CDIN1: variants seen among roughly 807,000 people sequenced by gnomAD.
CDIN1 encodes the protein CDAN1-interacting nuclease 1.
In CDIN1, 33 loss-of-function variants were observed where a neutral mutation model predicts 45.3. The observed-to-expected ratio is 0.73, with a 90% confidence interval of 0.55 to 0.97. The LOEUF is 0.97. CDIN1 is among the 50% of genes least tolerant of loss of function. CDIN1 has a pLI of 0.00. For synonymous variants in CDIN1, 118 were observed against 124.4 expected, an observed-to-expected ratio of 0.95 and a Z score of 0.34; for missense variants, 303 against 339.4, an observed-to-expected ratio of 0.89 and a Z score of 0.84.
Position 36,637,131 on chromosome 15 carries a change from A to G in CDIN1, c.102-7147A>G, listed in dbSNP as rs1478278148. Among the ~76,000 whole-genome samples, 16 of 140,118 alleles carry G rather than the reference A, an allele frequency of 1.1e-4. No individual in the cohort carries two copies. The Admixed American group carries it at 1.2e-3, about 11-fold the overall frequency. 91.9% of individuals were successfully genotyped at this position (140,118 alleles called of 152,430 possible). On this transcript the variant is annotated intron_variant, in intron 1 of 10. Transcript: ENST00000566621. ...GTGGAACAGATTAGAAAGTCCCAAA[A>G]TAGATTCTCAGATATTTAACCTCCC...
intron 5 of CDIN1, among the ~76,000 whole-genome samples, chr15:36,677,783 C>T (rs2140586598): frequency 6.6e-6 from 1 of 152,070 alleles, no homozygotes; most frequent in Admixed American, 6.6e-5. Context: ...AAGTTTTAGC[C>T]AAAGGAAAGT....
intron 1 of CDIN1, 105 bp from the exon 2 acceptor site, chr15:36,644,173 C>G (rs1323370881): frequency 1.9e-6 from 2 of 1,042,410 alleles, no homozygotes; most frequent in East Asian, 4.9e-5. Context: ...TTTTCATGTT[C>G]TGTTAGATTA....
At chr15:36,691,391 A>C in intron 5 of CDIN1, 1 of 316,088 alleles carries the variant, frequency 3.2e-6, no homozygotes, top group Non-Finnish European at 5.8e-6. Flanking sequence ...TTTTACCCCA[A>C]ATGGGCTTTT....
intron 1 of CDIN1, among the ~76,000 whole-genome samples, chr15:36,638,048 T>G (rs1032194470): frequency 6.6e-6 from 1 of 152,294 alleles, no homozygotes; most frequent in East Asian, 1.9e-4. Context: ...TTTAAAAAAA[T>G]ATTCTTTGGG....
chr15:36,618,150 G>A (rs942953344), intron 1 of CDIN1: 3 of 710,334 alleles, frequency 4.2e-6, no homozygotes, highest in Admixed American at 2.0e-5. Flanking sequence ...AATTCACCAG[G>A]ATCTTATAAA....
chr15:36,637,992 G>A (rs1319335711), intron 1 of CDIN1, among the ~76,000 whole-genome samples: 1 of 152,070 alleles, frequency 6.6e-6, no homozygotes, highest in Non-Finnish European at 1.5e-5. Context: ...GTTATCTTTT[G>A]GGGTGCTGGC....
At chr15:36,778,603 T>A (rs72708631) in intron 10 of CDIN1, among the ~76,000 whole-genome samples, 3,982 of 152,316 alleles carry the variant, frequency 0.026, 51 homozygotes, top group Non-Finnish European at 0.04. Flanking sequence ...TTGTATGTAT[T>A]TATCTTGGCA....
chr15:36,809,384 G>GTT lies in CDIN1; in HGVS notation c.*932_*933insTT, dbSNP rs1296108927. 1 of 152,732 alleles carries GTT rather than the reference G, an allele frequency of 6.5e-6. No homozygotes were observed. The highest frequency in any genetic ancestry group is 1.9e-4 in the East Asian group (1 of 5,202). The allele number at this position is 152,732 out of a possible 1,614,324, so 9.5% of individuals were successfully genotyped here. A position where few individuals can be genotyped will look rare whatever the true frequency, so the allele number is the denominator to read the frequency against. On this transcript the variant is annotated 3_prime_UTR_variant, in exon 11 of 11. Transcript: ENST00000566621. ...TACCATGTAATTATAAAACACTCGA[G>GTT]TAAGTTCAGCATTAGAAATGTTTAG...
intron 10 of CDIN1, among the ~76,000 whole-genome samples, chr15:36,732,030 A>T (rs781681022): frequency 4.6e-5 from 7 of 152,174 alleles, no homozygotes; most frequent in Non-Finnish European, 7.4e-5. Flanking sequence ...TTTATGAATG[A>T]TTATCACAGT....
At chr15:36,642,165 G>A (rs1223707159) in intron 1 of CDIN1, among the ~76,000 whole-genome samples, 2 of 152,138 alleles carry the variant, frequency 1.3e-5, no homozygotes, top group Admixed American at 6.5e-5. Flanking sequence ...TTGGAAGAAA[G>A]TACAAATAAT....
At chr15:36,664,296 G>T (rs1053591344) in intron 5 of CDIN1, among the ~76,000 whole-genome samples, 8 of 152,210 alleles carry the variant, frequency 5.3e-5, no homozygotes, top group Middle Eastern at 3.2e-3. Context: ...TGTGAATCAT[G>T]TATAAACGGA....
Position 36,727,396 on chromosome 15 carries a change from C to T in CDIN1, c.716+17435C>T, listed in dbSNP as rs535709435. ...CTTTTTCCCCCTCAGCATTTATCATCTAAATAATAGTCTTGCCAAGATGGC... is the reference window on the plus strand; with the variant it reads ...CTTTTTCCCCCTCAGCATTTATCATTTAAATAATAGTCTTGCCAAGATGGC... On this transcript the variant is annotated intron_variant, in intron 10 of 10. Transcript: ENST00000566621. Among the ~76,000 whole-genome samples, 53 of 150,354 alleles carry T rather than the reference C, an allele frequency of 3.5e-4. No homozygotes were observed. The South Asian group carries it at 9.6e-3, about 27-fold the overall frequency.
At chr15:36,713,079 A>G (rs1210988480) in intron 10 of CDIN1, among the ~76,000 whole-genome samples, 3 of 152,174 alleles carry the variant, frequency 2.0e-5, no homozygotes, top group African/African-American at 7.2e-5. Flanking sequence ...AACCAATTCT[A>G]CCAGTCTAAG....
chr15:36,716,687 TAGTCTGTATCTAACATTGA>T (rs1421189264), intron 10 of CDIN1, among the ~76,000 whole-genome samples: 1 of 152,154 alleles, frequency 6.6e-6, no homozygotes, highest in Non-Finnish European at 1.5e-5. Context: ...ATGATGAGGT[TAGTCTGTATCTAACATTGA>T]AGTCAGACTC....
chr15:36,712,627 G>C (rs2043095932), intron 10 of CDIN1, among the ~76,000 whole-genome samples: 1 of 152,062 alleles, frequency 6.6e-6, no homozygotes, highest in Non-Finnish European at 1.5e-5. Context: ...CCAATTTTTA[G>C]ATTAACATTT....
chr15:36,765,346 A>G (rs1468960931), intron 10 of CDIN1, among the ~76,000 whole-genome samples: 2 of 152,042 alleles, frequency 1.3e-5, no homozygotes, highest in East Asian at 3.9e-4. Flanking sequence ...GCGAGCCACC[A>G]TGCCCAGCCT....
chr15:36,619,415 G>A (rs2039047623), intron 1 of CDIN1: 2 of 338,444 alleles, frequency 5.9e-6, no homozygotes, highest in Middle Eastern at 1.7e-3. Context: ...TTGGAGTTGT[G>A]AGTGATAGGA....
At chr15:36,758,459 T>C (rs2140990658) in intron 10 of CDIN1, among the ~76,000 whole-genome samples, 1 of 152,246 alleles carries the variant, frequency 6.6e-6, no homozygotes, top group African/African-American at 2.4e-5. Context: ...ATTCATAAGA[T>C]GAGGAAAGGC....
intron 1 of CDIN1, among the ~76,000 whole-genome samples, chr15:36,621,496 C>T (rs1281489641): frequency 6.6e-6 from 1 of 152,108 alleles, no homozygotes; most frequent in East Asian, 1.9e-4. Flanking sequence ...CATTTCTATA[C>T]ACTATTTTTT....
Sources: allele counts gnomAD v4.1 joint callset (sites outside exome capture counted in the v4.1 genomes callset), GRCh38; gene constraint gnomAD v4.1.1; transcripts MANE v1.5; gene names NCBI Gene and HGNC (gene_info 2026-07-23, HGNC 2026-07-21).